NELL1: variants seen among roughly 807,000 people sequenced by gnomAD.
NELL1 encodes the protein neural EGFL like 1, also known as protein kinase C-binding protein NELL1.
Under a neutral mutation model 107.4 loss-of-function variants are expected in NELL1, and 76 were observed. That is an observed-to-expected ratio of 0.71 (90% CI 0.59 to 0.86). The LOEUF (loss-of-function observed/expected upper bound fraction) is 0.86. NELL1 is among the 40% of genes least tolerant of loss of function. The pLI is 0.00. For synonymous variants in NELL1, 353 were observed against 341.2 expected, an observed-to-expected ratio of 1.03 and a Z score of -0.38; for missense variants, 1,024 against 1,005.5, an observed-to-expected ratio of 1.02 and a Z score of -0.25.
intron 13 of NELL1, among the ~76,000 whole-genome samples, chr11:21,180,280 A>G (rs1856801537): frequency 6.6e-6 from 1 of 151,842 alleles, no homozygotes; most frequent in Admixed American, 6.6e-5. Context: ...CTGAGATTAC[A>G]GTTGATGCTT....
intron 11 of NELL1, among the ~76,000 whole-genome samples, chr11:20,957,048 A>T (rs1851189533): frequency 6.6e-6 from 1 of 152,174 alleles, no homozygotes; most frequent in Admixed American, 6.5e-5. Context: ...TGAAATAAGC[A>T]AGTACAGTGG....
intron 12 of NELL1, among the ~76,000 whole-genome samples, chr11:21,106,640 T>G (rs541400015): frequency 6.6e-6 from 1 of 152,252 alleles, no homozygotes; most frequent in African/African-American, 2.4e-5. Flanking sequence ...GAGAGAGAGA[T>G]AGCTGGCTTT....
At position 21,201,429 on chromosome 11, in the gene NELL1, T is replaced by C. The variant is rs540789436; in HGVS notation, c.1427-27903T>C. On this transcript the variant is annotated intron_variant, in intron 13 of 19. Coordinates refer to ENST00000357134, the MANE Select transcript of NELL1 (RefSeq NM_006157.5). ...AGTTCACTCATGATTTGGCTCTCTG[T>C]CTATTATTGGCGTATAGTAATGCTT... Among the ~76,000 whole-genome samples, 57 of 152,262 alleles carry C rather than the reference T, an allele frequency of 3.7e-4. 1 individual carries two copies. In the South Asian group the frequency reaches 0.011, roughly 29 times the overall value.
At chr11:21,264,141 G>T (rs549924278) in intron 14 of NELL1, among the ~76,000 whole-genome samples, 16 of 147,512 alleles carry the variant, frequency 1.1e-4, no homozygotes, top group Non-Finnish European at 1.3e-4. Context: ...AGGAATAGGG[G>T]TGGGAGGGGG....
At chr11:20,749,523 C>G (rs929879691) in intron 2 of NELL1, among the ~76,000 whole-genome samples, 2 of 152,004 alleles carry the variant, frequency 1.3e-5, no homozygotes, top group African/African-American at 4.8e-5. Context: ...AATGCTTGAG[C>G]CTAGGAGGTT....
At chr11:21,052,961 CAG>C (rs1288491029) in intron 12 of NELL1, among the ~76,000 whole-genome samples, 32 of 151,968 alleles carry the variant, frequency 2.1e-4, no homozygotes, top group Middle Eastern at 3.2e-3. Context: ...AGGCTTGTGG[CAG>C]AGACACCAGG....
At chr11:21,539,668 G>A (rs759274981) in intron 16 of NELL1, among the ~76,000 whole-genome samples, 21 of 150,988 alleles carry the variant, frequency 1.4e-4, no homozygotes, top group African/African-American at 4.9e-4. Context: ...CTGCTCTTCT[G>A]TTCGTCTGCT....
chr11:21,185,347 G>C (rs951995824), intron 13 of NELL1, among the ~76,000 whole-genome samples: 1 of 142,354 alleles, frequency 7.0e-6, no homozygotes, highest in Non-Finnish European at 1.5e-5. Flanking sequence ...CCAGGCTGGA[G>C]CATAGTGGTG....
At chr11:21,192,516 T>G (rs923102941) in intron 13 of NELL1, among the ~76,000 whole-genome samples, 8 of 151,888 alleles carry the variant, frequency 5.3e-5, no homozygotes, top group Non-Finnish European at 5.9e-5. Flanking sequence ...AAGTGAGCAT[T>G]AGGCTATTAC....
At chr11:20,853,352 T>C (rs1362544748) in intron 4 of NELL1, among the ~76,000 whole-genome samples, 1 of 152,206 alleles carries the variant, frequency 6.6e-6, no homozygotes, top group Non-Finnish European at 1.5e-5. Flanking sequence ...GACCCTAGTC[T>C]TGGTTTTGCC....
At chr11:20,976,123 T>G (rs1851627362) in intron 12 of NELL1, among the ~76,000 whole-genome samples, 1 of 146,480 alleles carries the variant, frequency 6.8e-6, no homozygotes, top group Non-Finnish European at 1.5e-5. Flanking sequence ...CATATATGTA[T>G]TATGTATACA....
In NELL1 at chr11:21,319,131, A is replaced by ATGTGTG. The variant is rs35208989; in HGVS notation, c.1550-51702_1550-51697dup. On this transcript the variant is annotated intron_variant, in intron 14 of 19. Coordinates refer to ENST00000357134, the MANE Select transcript of NELL1 (RefSeq NM_006157.5). ...CTACTAAGAGTGACATCTCAGCAATATGTGTGTGTGTGTGTGTGTGTGTGT... is the reference window on the plus strand; with the variant it reads ...CTACTAAGAGTGACATCTCAGCAATATGTGTGTGTGTGTGTGTGTGTGTGTGTGTGT... 1.6e-3 allele frequency among the ~76,000 whole-genome samples: 229 copies of ATGTGTG among 146,726 alleles called. 3 individuals are homozygous for ATGTGTG. Among genetic ancestry groups the ATGTGTG allele is most frequent in the African/African-American group, 4.7e-3 (186 of 39,978 alleles).
chr11:21,055,521 C>G (rs1027584914), intron 12 of NELL1, among the ~76,000 whole-genome samples: 2 of 152,110 alleles, frequency 1.3e-5, no homozygotes, highest in African/African-American at 4.8e-5. Flanking sequence ...TTACATAATT[C>G]TTTATAAATC....
chr11:21,466,715 G>A (rs1002229799), intron 15 of NELL1, among the ~76,000 whole-genome samples: 1 of 152,094 alleles, frequency 6.6e-6, no homozygotes, highest in African/African-American at 2.4e-5. Flanking sequence ...CCAATCAACA[G>A]AGTTTGGGTA....
At chr11:21,441,933 C>T (rs1032087728) in intron 15 of NELL1, among the ~76,000 whole-genome samples, 3 of 152,112 alleles carry the variant, frequency 2.0e-5, no homozygotes, top group African/African-American at 7.2e-5. Context: ...TTACTTTTAT[C>T]ATCCTCCAGA....
chr11:21,027,207 A>G (rs1852835401), intron 12 of NELL1, among the ~76,000 whole-genome samples: 1 of 152,192 alleles, frequency 6.6e-6, no homozygotes, highest in African/African-American at 2.4e-5. Context: ...ATGAGACAGA[A>G]TGCCAGTCTG....
At chr11:20,752,808 CT>C (rs1856172460) in intron 2 of NELL1, among the ~76,000 whole-genome samples, 1 of 152,180 alleles carries the variant, frequency 6.6e-6, no homozygotes, top group South Asian at 2.1e-4. Flanking sequence ...TTACTTTTCA[CT>C]CAAATTATTG....
intron 2 of NELL1, among the ~76,000 whole-genome samples, chr11:20,693,149 C>T (rs553208241): frequency 6.6e-6 from 1 of 151,924 alleles, no homozygotes; most frequent in South Asian, 2.1e-4. Flanking sequence ...GTAGATCTTC[C>T]TCCATCCTTT....
At chr11:21,431,618 A>G (rs2133834273) in intron 15 of NELL1, among the ~76,000 whole-genome samples, 1 of 152,352 alleles carries the variant, frequency 6.6e-6, no homozygotes, top group Non-Finnish European at 1.5e-5. Flanking sequence ...TCTAGTTTTC[A>G]CAAAATTAAT....
Sources: gnomAD v4.1 joint callset for allele counts (sites outside exome capture counted in the v4.1 genomes callset) on GRCh38, gnomAD v4.1.1 for gene constraint, MANE v1.5 for transcripts, NCBI Gene and HGNC (gene_info 2026-07-23, HGNC 2026-07-21) for gene names.